JPT2: variants seen among roughly 807,000 people sequenced by gnomAD.
JPT2 encodes Jupiter microtubule associated homolog 2.
Under a neutral mutation model 15.9 loss-of-function variants are expected in JPT2, and 9 were observed. The ratio of observed to expected loss-of-function variants is 0.57; its 90% confidence interval spans 0.34 to 0.99. The LOEUF is 0.99. JPT2 is among the 50% of genes least tolerant of loss of function. The pLI is 0.02. For missense variants in JPT2, 267 were observed against 252.1 expected, an observed-to-expected ratio of 1.06 and a Z score of -0.40; for synonymous variants, 95 against 91.7, an observed-to-expected ratio of 1.04 and a Z score of -0.21.
intron 1 of JPT2, chr16:1,680,564 G>C: frequency 9.1e-7 from 1 of 1,104,192 alleles, no homozygotes; most frequent in Non-Finnish European, 1.1e-6. Context: ...TCTGAACGGG[G>C]TCGAGTCGCA....
chr16:1,685,653 T>G, intron 2 of JPT2, 66 bp downstream of exon 2: 1 of 1,499,546 alleles, frequency 6.7e-7, no homozygotes, highest in Non-Finnish European at 9.1e-7. Context: ...TATTTTCTGT[T>G]TCTTTATACT....
chr16:1,686,149 G>C (rs1309707397), intron 2 of JPT2: 1 of 150,972 alleles, frequency 6.6e-6, no homozygotes, highest in Non-Finnish European at 1.5e-5. Flanking sequence ...AAGGTGTGCA[G>C]ATCACGAGGT....
chr16:1,685,655 C>A (rs2092862422), intron 2 of JPT2, 68 bp downstream of exon 2: 3 of 1,496,134 alleles, frequency 2.0e-6, no homozygotes, highest in Non-Finnish European at 2.7e-6. Flanking sequence ...TTTTCTGTTT[C>A]TTTATACTGA....
chr16:1,696,236 C>CA (rs1044898257), intron 3 of JPT2, among the ~76,000 whole-genome samples: 2 of 128,172 alleles, frequency 1.6e-5, no homozygotes, highest in African/African-American at 3.8e-5. Flanking sequence ...CTCAAAAAAA[C>CA]AAAAAACAAA....
At chr16:1,696,121 CG>C (rs2037139662) in intron 3 of JPT2, among the ~76,000 whole-genome samples, 1 of 151,950 alleles carries the variant, frequency 6.6e-6, no homozygotes. Context: ...CCCAGGTACT[CG>C]GAAGACTGAG....
chr16:1,697,932 TG>T (rs2037154491), intron 4 of JPT2, 72 bp downstream of exon 4: 1 of 1,403,398 alleles, frequency 7.1e-7, no homozygotes, highest in Admixed American at 1.8e-5. Flanking sequence ...GTCTCTCCTC[TG>T]GGAATGAAAA....
intron 1 of JPT2, among the ~76,000 whole-genome samples, chr16:1,679,071 A>G (rs1027940992): frequency 6.6e-6 from 1 of 152,232 alleles, no homozygotes; most frequent in African/African-American, 2.4e-5. Flanking sequence ...AACACTGAGC[A>G]CACTTTTCTT....
intron 3 of JPT2, among the ~76,000 whole-genome samples, chr16:1,692,984 G>C (rs1029911087): frequency 2.0e-5 from 3 of 152,212 alleles, no homozygotes; most frequent in Non-Finnish European, 4.4e-5. Context: ...AGCCTGGTTT[G>C]GATTGCCCTA....
At position 1,700,277 on chromosome 16, in the gene JPT2, G is replaced by A. The variant is rs1260716247; in HGVS notation, c.*1279G>A. The stretch of plus-strand genomic sequence containing the variant: ...GCTTTGCTCACTCAGCTAATGGGAT[G>A]GCAAAGGTGGTGGTGCTTTCATCTT... On this transcript the variant is annotated 3_prime_UTR_variant, in exon 5 of 5. Transcript: ENST00000248098. 12 of 414,268 alleles carry A rather than the reference G, an allele frequency of 2.9e-5. No homozygotes were observed. Among genetic ancestry groups the A allele is most frequent in the Non-Finnish European group, 5.6e-5 (11 of 197,634 alleles). The allele number at this position is 414,268 out of a possible 1,614,324, so 25.7% of individuals were successfully genotyped here.
At chr16:1,683,393 C>T (rs2142221034) in intron 1 of JPT2, 3 of 682,446 alleles carry the variant, frequency 4.4e-6, no homozygotes, top group South Asian at 3.6e-5. Flanking sequence ...TTACAGGTGC[C>T]AGGTACTGCT....
At chr16:1,695,319 C>T (rs1478840987) in intron 3 of JPT2, among the ~76,000 whole-genome samples, 4 of 151,636 alleles carry the variant, frequency 2.6e-5, no homozygotes, top group African/African-American at 9.7e-5. Context: ...GCAGGAGAAT[C>T]GCTTGAACCC....
Position 1,680,578 on chromosome 16 carries a change from C to T in JPT2, c.44+2222C>T, listed in dbSNP as rs953175393. On this transcript the variant is annotated intron_variant, in intron 1 of 4. Transcript: ENST00000248098. The stretch of plus-strand genomic sequence containing the variant: ...ATCTGAACGGGGTCGAGTCGCAGGG[C>T]GGGCGCCTTGTAAGCGTCACATTTA... 11 of 1,021,274 alleles carry T rather than the reference C, an allele frequency of 1.1e-5. No individual in the cohort carries two copies. The Admixed American group carries it at 3.6e-4, about 34-fold the overall frequency. The allele number at this position is 1,021,274 out of a possible 1,614,324, so 63.3% of individuals were successfully genotyped here.
chr16:1,681,875 G>T (rs1406086991), intron 1 of JPT2, among the ~76,000 whole-genome samples: 3 of 152,200 alleles, frequency 2.0e-5, no homozygotes, highest in Non-Finnish European at 2.9e-5. Context: ...CCTGGAATCA[G>T]ATCTGACAGT....
rs190085864 is a variant in JPT2, at chr16:1,691,558, G to C, written c.194-285G>C. 1.1e-3 allele frequency among the ~76,000 whole-genome samples: 161 copies of C among 152,292 alleles called. 3 individuals carry two copies. Among genetic ancestry groups the C allele is most frequent in the Admixed American group, 0.01 (159 of 15,296 alleles). Reference sequence around the variant, plus strand: ...AATGTTCAGGGTTAAAGAAATTCTAGAGGGAAAATCTGCAGTTTGATGCCA... The same window carrying C: ...AATGTTCAGGGTTAAAGAAATTCTACAGGGAAAATCTGCAGTTTGATGCCA... On this transcript the variant is annotated intron_variant, in intron 2 of 4. Coordinates refer to ENST00000248098, the MANE Select transcript of JPT2 (RefSeq NM_144570.3).
chr16:1,694,471 C>T (rs532378244), intron 3 of JPT2, among the ~76,000 whole-genome samples: 42 of 152,302 alleles, frequency 2.8e-4, no homozygotes, highest in Non-Finnish European at 5.4e-4. Context: ...GTGTTTTATT[C>T]TGTAATGGGA....
chr16:1,679,249 C>T (rs1017070996), intron 1 of JPT2, among the ~76,000 whole-genome samples: 11 of 152,286 alleles, frequency 7.2e-5, no homozygotes, highest in African/African-American at 2.6e-4. Flanking sequence ...GTGGCACAGC[C>T]TCGCCAGAGA....
chr16:1,683,323 C>T (rs1230889841), intron 1 of JPT2, among the ~76,000 whole-genome samples: 1 of 151,470 alleles, frequency 6.6e-6, no homozygotes, highest in African/African-American at 2.4e-5. Context: ...TATGCCCAGG[C>T]GTGTCTCGAA....
chr16:1,699,323 G>T lies in JPT2; in HGVS notation c.*325G>T. 3 of 533,462 alleles carry T rather than the reference G, an allele frequency of 5.6e-6. No individual in the cohort carries two copies. The highest frequency in any genetic ancestry group is 3.1e-5 in the South Asian group (2 of 65,158). The allele number at this position is 533,462 out of a possible 1,614,324, so 33.0% of individuals were successfully genotyped here. ...TGGATCAACAGCCCGCCAGCTGATT[G>T]GATGTCTAGGAATGACTGAAAGAAA... On this transcript the variant is annotated 3_prime_UTR_variant, in exon 5 of 5. Transcript: ENST00000248098.
chr16:1,698,160 G>A lies in JPT2; in HGVS notation c.385+300G>A, dbSNP rs1264519053. On this transcript the variant is annotated intron_variant, in intron 4 of 4. Coordinates refer to ENST00000248098, the MANE Select transcript of JPT2 (RefSeq NM_144570.3). The surrounding 1 kb of genome is among the most constrained non-coding windows in gnomAD (Gnocchi z 4.9). ...AAACCTTCAGTGAACTCATGACCAA[G>A]CATAGAGCTGGCAGAACTAATCGAG... Among the ~76,000 whole-genome samples, 1 of 152,200 alleles carries A rather than the reference G, an allele frequency of 6.6e-6. No homozygotes were observed. Among genetic ancestry groups the A allele is most frequent in the African/African-American group, 2.4e-5 (1 of 41,458 alleles).
Sources: gnomAD v4.1 joint callset for allele counts (sites outside exome capture counted in the v4.1 genomes callset) on GRCh38, gnomAD v4.1.1 for gene constraint, Gnocchi (gnomAD v3.1) non-coding constraint, MANE v1.5 for transcripts, NCBI Gene and HGNC (gene_info 2026-07-23, HGNC 2026-07-21) for gene names.